PHF24: variants seen among roughly 807,000 people sequenced by gnomAD.
PHF24 encodes the protein Galpha inhibitory interacting protein.
PHF24 carries 25 observed loss-of-function variants against 42.6 expected under a neutral mutation model. That is an observed-to-expected ratio of 0.59 (90% CI 0.43 to 0.82). PHF24 has a LOEUF of 0.82. Among genes scored for constraint, PHF24 ranks in the 40% least tolerant of loss-of-function variants. The probability of loss-of-function intolerance (pLI) is 0.00; values close to 1 mark genes in which losing one functional copy is unlikely to be tolerated. For synonymous variants in PHF24, 185 were observed against 204.8 expected, an observed-to-expected ratio of 0.90 and a Z score of 0.83; for missense variants, 470 against 538.1, an observed-to-expected ratio of 0.87 and a Z score of 1.25.
At chr9:34,856,373 A>G in the PHF24 span, among the ~76,000 whole-genome samples, 8 of 152,226 alleles carry the variant, frequency 5.3e-5, no homozygotes, top group African/African-American at 1.9e-4. Flanking sequence ...AGTTTTCAGT[A>G]TTTTTGTGTT....
chr9:34,848,854 A>T, the PHF24 span, among the ~76,000 whole-genome samples: 1 of 152,164 alleles, frequency 6.6e-6, no homozygotes, highest in Non-Finnish European at 1.5e-5. Flanking sequence ...TCATTTCATT[A>T]TGTACCCAGT....
the PHF24 span, among the ~76,000 whole-genome samples, chr9:34,878,544 C>G: frequency 1.3e-5 from 2 of 152,210 alleles, no homozygotes; most frequent in African/African-American, 4.8e-5. Context: ...ATGGTCTTCG[C>G]AAACGGCACA....
At chr9:34,955,476 A>G (rs1043540826), upstream of PHF24, among the ~76,000 whole-genome samples, 3 of 152,246 alleles carry the variant, frequency 2.0e-5, no homozygotes, top group African/African-American at 7.2e-5. Context: ...CAGGAGTTCA[A>G]GACCAGCCTG....
the PHF24 span, among the ~76,000 whole-genome samples, chr9:34,733,235 A>T: frequency 6.6e-6 from 1 of 152,148 alleles, no homozygotes; most frequent in Non-Finnish European, 1.5e-5. Flanking sequence ...TGTATTTTAT[A>T]TATTTATAAA....
chr9:34,923,478 CTT>C, the PHF24 span, among the ~76,000 whole-genome samples: 1 of 152,106 alleles, frequency 6.6e-6, no homozygotes, highest in Non-Finnish European at 1.5e-5. Context: ...TGCTGGGAGA[CTT>C]TTATTATGGC....
At chr9:34,853,827 C>CAA in the PHF24 span, among the ~76,000 whole-genome samples, 37 of 74,772 alleles carry the variant, frequency 4.9e-4, no homozygotes, top group African/African-American at 1.6e-3. Context: ...GACTCCGTCT[C>CAA]AAAAAAAAAA....
chr9:34,931,115 C>T, the PHF24 span, among the ~76,000 whole-genome samples: 26,631 of 152,048 alleles, frequency 0.18, 2,858 homozygotes, highest in East Asian at 0.51. Context: ...CGGTGGCTCA[C>T]GCCTGTAATC....
chr9:34,728,188 T>C, the PHF24 span: 1 of 966,158 alleles, frequency 1.0e-6, no homozygotes, highest in Non-Finnish European at 1.5e-6. Context: ...AAGACTACAA[T>C]CCTGAAAAGT....
the PHF24 span, among the ~76,000 whole-genome samples, chr9:34,715,942 C>T: frequency 6.6e-6 from 1 of 152,198 alleles, no homozygotes; most frequent in Non-Finnish European, 1.5e-5. Flanking sequence ...GCAGCAGATG[C>T]TCCCAGCTTG....
the PHF24 span, chr9:34,918,423 ATC>A: frequency 1.4e-4 from 71 of 495,114 alleles, no homozygotes; most frequent in Admixed American, 1.1e-3. Flanking sequence ...AAAAAAAAAA[ATC>A]ATGGGGAATT....
chr9:34,898,979 C>G, the PHF24 span, among the ~76,000 whole-genome samples: 3 of 152,202 alleles, frequency 2.0e-5, no homozygotes, highest in African/African-American at 7.2e-5. Flanking sequence ...CAAAAATGGT[C>G]TCATGCCTTT....
the PHF24 span, among the ~76,000 whole-genome samples, chr9:34,872,409 A>G: frequency 1.5e-5 from 2 of 129,360 alleles, no homozygotes; most frequent in South Asian, 2.5e-4. Flanking sequence ...TCCTGTGTCC[A>G]TGTGATCTCA....
the PHF24 span, among the ~76,000 whole-genome samples, chr9:34,737,695 G>T: frequency 6.6e-6 from 1 of 152,142 alleles, no homozygotes; most frequent in Admixed American, 6.5e-5. Flanking sequence ...TAGAGCTGCA[G>T]AACCCTGAGA....
chr9:34,867,624 G>A, the PHF24 span, among the ~76,000 whole-genome samples: 1 of 151,804 alleles, frequency 6.6e-6, no homozygotes, highest in African/African-American at 2.4e-5. Context: ...AGAGGATAGG[G>A]ACTCCTTTTG....
At chr9:34,912,279 T>C in the PHF24 span, among the ~76,000 whole-genome samples, 2 of 152,076 alleles carry the variant, frequency 1.3e-5, no homozygotes, top group Non-Finnish European at 1.5e-5. Flanking sequence ...CTCTCTCTCT[T>C]TTCTCTAACT....
chr9:34,736,119 A>G, the PHF24 span, among the ~76,000 whole-genome samples: 1 of 152,146 alleles, frequency 6.6e-6, no homozygotes, highest in Admixed American at 6.5e-5. Context: ...AATTCCATAG[A>G]AATTATCCGA....
the PHF24 span, among the ~76,000 whole-genome samples, chr9:34,714,958 G>T: frequency 2.6e-5 from 4 of 152,222 alleles, no homozygotes; most frequent in South Asian, 8.3e-4. Context: ...CCTAGATGCA[G>T]GAATCTAGGT....
At chr9:34,782,795 C>T in the PHF24 span, among the ~76,000 whole-genome samples, 4 of 152,174 alleles carry the variant, frequency 2.6e-5, no homozygotes, top group Admixed American at 6.5e-5. Context: ...GAGAGGCCTA[C>T]ATAGCAGTGG....
At chr9:34,945,787 T>C in the PHF24 span, among the ~76,000 whole-genome samples, 2 of 152,198 alleles carry the variant, frequency 1.3e-5, no homozygotes, top group Non-Finnish European at 2.9e-5. Flanking sequence ...TTCAGAATCA[T>C]GAGCTAAATA....
Sources: gnomAD v4.1 joint callset for allele counts (sites outside exome capture counted in the v4.1 genomes callset) on GRCh38, gnomAD v4.1.1 for gene constraint, MANE v1.5 for transcripts, NCBI Gene and HGNC (gene_info 2026-07-23, HGNC 2026-07-21) for gene names.